Variants in NEMP2 observed in about 807,000 individuals in gnomAD.
The protein encoded by NEMP2 is UPF0571 transmembrane protein.
NEMP2 carries 53 observed loss-of-function variants against 54.2 expected under a neutral mutation model. The ratio of observed to expected loss-of-function variants is 0.98; its 90% CI spans 0.78 to 1.23. NEMP2 has a LOEUF of 1.23. Among genes scored for constraint, NEMP2 ranks in the 50% most tolerant of loss-of-function variants. The pLI is 0.00. For synonymous variants in NEMP2, 197 were observed against 190.3 expected (o/e 1.04, Z -0.29); for missense variants, 455 against 511.3 (o/e 0.89, Z 1.06).
the NEMP2 span, among the ~76,000 whole-genome samples, chr2:190,476,357 A>T: frequency 2.6e-5 from 4 of 152,246 alleles, no homozygotes; most frequent in African/African-American, 9.6e-5. Flanking sequence ...AAACAAATTT[A>T]TAAGAAAAAA....
chr2:190,587,460 G>A, the NEMP2 span, among the ~76,000 whole-genome samples: 174 of 152,186 alleles, frequency 1.1e-3, 1 homozygote, highest in African/African-American at 3.8e-3. The surrounding 1 kb of genome is among the most constrained non-coding windows in gnomAD (Gnocchi z 5.4). Flanking sequence ...ATTCTTCATC[G>A]CTGATCTTGG....
At chr2:190,536,879 A>G (rs1289010451), upstream of NEMP2, among the ~76,000 whole-genome samples, 1 of 152,178 alleles carries the variant, frequency 6.6e-6, no homozygotes, top group Non-Finnish European at 1.5e-5. Context: ...TGACTCAACT[A>G]CCCACATTAT....
the NEMP2 span, among the ~76,000 whole-genome samples, chr2:190,614,792 C>A: frequency 6.6e-6 from 1 of 152,132 alleles, no homozygotes; most frequent in Non-Finnish European, 1.5e-5. The surrounding 1 kb of genome is among the most constrained non-coding windows in gnomAD (Gnocchi z 5.7). Context: ...CTATGGCTTC[C>A]CTTAGCAGTA....
the NEMP2 span, among the ~76,000 whole-genome samples, chr2:190,479,134 G>A: frequency 2.6e-5 from 4 of 152,164 alleles, no homozygotes; most frequent in Non-Finnish European, 5.9e-5. Flanking sequence ...TCTTCCCCAG[G>A]CCTATAGGAA....
the NEMP2 span, among the ~76,000 whole-genome samples, chr2:190,482,868 C>CTT: frequency 1.8e-3 from 89 of 48,280 alleles, 21 homozygotes; most frequent in African/African-American, 6.8e-3. Flanking sequence ...AGACTATCAT[C>CTT]TTTTTTTTTT....
At chr2:190,474,869 T>C in the NEMP2 span, among the ~76,000 whole-genome samples, 2 of 152,200 alleles carry the variant, frequency 1.3e-5, no homozygotes, top group Non-Finnish European at 2.9e-5. Flanking sequence ...TTATCCACCA[T>C]GATCAAGTGG....
chr2:190,448,578 TCAGTA>T, the NEMP2 span, among the ~76,000 whole-genome samples: 1 of 152,278 alleles, frequency 6.6e-6, no homozygotes, highest in East Asian at 1.9e-4. Context: ...AATACACAAT[TCAGTA>T]CAGTTATACA....
chr2:190,443,189 GA>G, the NEMP2 span, among the ~76,000 whole-genome samples: 2 of 151,836 alleles, frequency 1.3e-5, no homozygotes, highest in South Asian at 2.1e-4. This position sits in a 1 kb window ranked among gnomAD's most constrained non-coding sequence, Gnocchi z 4.2. Context: ...AAGCAAGGGA[GA>G]AAAAAAATAA....
At chr2:190,432,000 G>A in the NEMP2 span, among the ~76,000 whole-genome samples, 90 of 148,876 alleles carry the variant, frequency 6.0e-4, no homozygotes, top group Non-Finnish European at 4.1e-4. This position sits in a 1 kb window ranked among gnomAD's most constrained non-coding sequence, Gnocchi z 4.4. Flanking sequence ...CTTGGCTTCT[G>A]ATTTCTCTGG....
At chr2:190,430,908 T>TCCCGGGC in the NEMP2 span, among the ~76,000 whole-genome samples, 1 of 94,858 alleles carries the variant, frequency 1.1e-5, no homozygotes. Flanking sequence ...ACTTCCCAGA[T>TCCCGGGC]GGGGTGGCTG....
chr2:190,438,766 A>G, the NEMP2 span, among the ~76,000 whole-genome samples: 1 of 152,262 alleles, frequency 6.6e-6, no homozygotes, highest in Admixed American at 6.5e-5. This position sits in a 1 kb window ranked among gnomAD's most constrained non-coding sequence, Gnocchi z 5.2. Context: ...TAAGAAATTA[A>G]AGAGGAGAAA....
At chr2:190,446,604 G>A in the NEMP2 span, among the ~76,000 whole-genome samples, 1 of 152,160 alleles carries the variant, frequency 6.6e-6, no homozygotes, top group African/African-American at 2.4e-5. Flanking sequence ...GAGAGAGGGA[G>A]GAACTAGGAA....
the NEMP2 span, among the ~76,000 whole-genome samples, chr2:190,486,526 G>A: frequency 6.6e-6 from 1 of 152,202 alleles, no homozygotes; most frequent in Non-Finnish European, 1.5e-5. Context: ...ACTCTCATCA[G>A]TCAGTAAACT....
the NEMP2 span, among the ~76,000 whole-genome samples, chr2:190,542,091 C>T: frequency 1.3e-5 from 2 of 152,272 alleles, no homozygotes; most frequent in South Asian, 2.1e-4. The surrounding 1 kb of genome is among the most constrained non-coding windows in gnomAD (Gnocchi z 4.6). Flanking sequence ...TGTTCTCTGA[C>T]CTTCCTGTAC....
At chr2:190,549,735 T>C in the NEMP2 span, among the ~76,000 whole-genome samples, 1 of 152,220 alleles carries the variant, frequency 6.6e-6, no homozygotes, top group Non-Finnish European at 1.5e-5. Flanking sequence ...GCCAGTTTCT[T>C]TGATATCTGA....
At chr2:190,606,648 G>T in the NEMP2 span, among the ~76,000 whole-genome samples, 1 of 152,136 alleles carries the variant, frequency 6.6e-6, no homozygotes, top group Non-Finnish European at 1.5e-5. Context: ...GGAGGCAGAG[G>T]TTGCAGTGAG....
the NEMP2 span, among the ~76,000 whole-genome samples, chr2:190,456,513 C>T: frequency 3.9e-5 from 6 of 152,182 alleles, no homozygotes; most frequent in Non-Finnish European, 5.9e-5. The surrounding 1 kb of genome is among the most constrained non-coding windows in gnomAD (Gnocchi z 5.4). Flanking sequence ...AGCCCCACTC[C>T]GGGAACTCCC....
chr2:190,538,412 G>A (rs1194818768), upstream of NEMP2, among the ~76,000 whole-genome samples: 8 of 151,844 alleles, frequency 5.3e-5, no homozygotes, highest in African/African-American at 1.9e-4. The surrounding 1 kb of genome is among the most constrained non-coding windows in gnomAD (Gnocchi z 4.1). Context: ...TTTGTCTATT[G>A]TGAATAGTGC....
chr2:190,460,477 G>A, the NEMP2 span, among the ~76,000 whole-genome samples: 1 of 152,224 alleles, frequency 6.6e-6, no homozygotes, highest in Admixed American at 6.5e-5. Context: ...TGTTCAATAA[G>A]TATTTGTTAA....
Sources: allele counts gnomAD v4.1 joint callset (sites outside exome capture counted in the v4.1 genomes callset), GRCh38; gene constraint gnomAD v4.1.1; non-coding constraint Gnocchi (gnomAD v3.1); transcripts MANE v1.5; gene names NCBI Gene and HGNC (gene_info 2026-07-23, HGNC 2026-07-21).